DLG1: variants seen among roughly 807,000 people sequenced by gnomAD.
DLG1 encodes discs large MAGUK scaffold protein 1.
A neutral mutation model predicts 123.4 loss-of-function variants in DLG1; 42 were observed. That is an observed-to-expected ratio of 0.34 (90% CI 0.27 to 0.44). The LOEUF (loss-of-function observed/expected upper bound fraction) is 0.44, where lower values mean the gene tolerates loss of function less well. Ranked by LOEUF, DLG1 falls within the 20% of genes least tolerant of loss-of-function variation. The probability of loss-of-function intolerance (pLI) is 1.00; values close to 1 mark genes in which losing one functional copy is unlikely to be tolerated. For missense variants in DLG1, 942 were observed against 1,082.6 expected, an observed-to-expected ratio of 0.87 and a Z score of 1.82; for synonymous variants, 317 against 356.2, an observed-to-expected ratio of 0.89 and a Z score of 1.24.
intron 10 of DLG1, 107 bp from the exon 11 acceptor site, chr3:197,130,778 T>C: frequency 4.6e-6 from 4 of 874,688 alleles, no homozygotes; most frequent in East Asian, 2.6e-5. Context: ...TTAAGGAAAA[T>C]AAAGGTATGC....
chr3:197,077,515 A>G (rs1748081631), intron 17 of DLG1, among the ~76,000 whole-genome samples: 1 of 152,230 alleles, frequency 6.6e-6, no homozygotes, highest in Non-Finnish European at 1.5e-5. Flanking sequence ...AAAAGTACAC[A>G]TAAATAATGT....
chr3:197,213,751 A>G (rs1732521979), intron 4 of DLG1, among the ~76,000 whole-genome samples: 1 of 152,220 alleles, frequency 6.6e-6, no homozygotes, highest in African/African-American at 2.4e-5. Flanking sequence ...TTCTTGGATA[A>G]AGGCTCATTA....
chr3:197,128,326 A>G (rs933405926), intron 11 of DLG1, among the ~76,000 whole-genome samples: 3 of 152,342 alleles, frequency 2.0e-5, no homozygotes, highest in East Asian at 1.9e-4. Context: ...TTGATTATCT[A>G]TAAGAAGCAA....
chr3:197,079,957 C>T (rs1749800733), intron 17 of DLG1, among the ~76,000 whole-genome samples: 1 of 151,874 alleles, frequency 6.6e-6, no homozygotes, highest in Non-Finnish European at 1.5e-5. Context: ...ATTCCACATT[C>T]ATTTCAAATA....
chr3:197,046,848 T>C (rs1318014924), intron 24 of DLG1, among the ~76,000 whole-genome samples: 1 of 151,844 alleles, frequency 6.6e-6, no homozygotes, highest in Non-Finnish European at 1.5e-5. Context: ...CCAGCCTGGG[T>C]GACAGAGTGA....
At chr3:197,297,068 A>AAG (rs1777784184) in intron 2 of DLG1, 118 bp downstream of exon 2, 2 of 1,082,678 alleles carry the variant, frequency 1.8e-6, no homozygotes, top group East Asian at 4.8e-5. Flanking sequence ...CTAAGCAATA[A>AAG]AGCTAGGACC....
intron 4 of DLG1, among the ~76,000 whole-genome samples, chr3:197,219,857 A>T (rs987686516): frequency 6.6e-6 from 1 of 152,156 alleles, no homozygotes; most frequent in African/African-American, 2.4e-5. Flanking sequence ...GCCTTGGGAA[A>T]TCTCGCCGGC....
chr3:197,198,419 G>A (rs1723758822), intron 4 of DLG1, among the ~76,000 whole-genome samples: 1 of 150,754 alleles, frequency 6.6e-6, no homozygotes, highest in African/African-American at 2.4e-5. Context: ...GCCGGGAAGT[G>A]GAGGTTGCAG....
Position 197,134,472 on chromosome 3 carries a change from CAAAAAAA to C in DLG1, c.1020+2063_1020+2069del, listed in dbSNP as rs11319273. 3.1e-5 allele frequency among the ~76,000 whole-genome samples: 3 copies of C among 96,578 alleles called. No individual in the cohort carries two copies. The South Asian group carries it at 1.1e-3, about 35-fold the overall frequency. 63.4% of individuals were successfully genotyped at this position (96,578 alleles called of 152,430 possible). A position where few individuals can be genotyped will look rare whatever the true frequency, so the allele number is the denominator to read the frequency against. ...TTCCCAGGAAAATTATTCATAATAC[CAAAAAAA>C]AAAAAAAAAAAAAAAGACTTAAAAT... is the stretch of plus-strand genomic sequence containing the variant. On this transcript the variant is annotated intron_variant, in intron 10 of 24. Coordinates refer to ENST00000667157, the MANE Select transcript of DLG1 (RefSeq NM_001366207.1).
chr3:197,184,176 AAAG>A (rs1383490856), intron 5 of DLG1: 3 of 976,174 alleles, frequency 3.1e-6, no homozygotes, highest in Non-Finnish European at 3.7e-6. Context: ...ATTAGCAGGT[AAAG>A]AAGGATGCTA....
chr3:197,296,014 G>C (rs1777201373), intron 3 of DLG1, among the ~76,000 whole-genome samples: 2 of 152,334 alleles, frequency 1.3e-5, no homozygotes, highest in South Asian at 4.1e-4. Context: ...TGACTTCAGA[G>C]ACATGCCAGT....
chr3:197,113,691 G>A (rs572314268), intron 13 of DLG1, among the ~76,000 whole-genome samples: 1 of 149,322 alleles, frequency 6.7e-6, no homozygotes, highest in South Asian at 2.1e-4. Context: ...GAACCAAGCC[G>A]ACAATTTCTG....
rs142447559 is a variant in DLG1, at chr3:197,110,586, C to A, written c.1443+5341G>T. ...TTCCGCTTGTCTCAAAATTTTATGA[C>A]GAAAAATAGGCATTTAAAATAAATA... On this transcript the variant is annotated intron_variant, in intron 13 of 24. Coordinates refer to ENST00000667157, the MANE Select transcript of DLG1 (RefSeq NM_001366207.1). 2.4e-4 allele frequency among the ~76,000 whole-genome samples: 36 copies of A among 152,110 alleles called. No homozygotes were observed. In the East Asian group the frequency reaches 6.6e-3, roughly 28 times the overall value.
At chr3:197,288,743 A>AAAAACATACATACATAC (rs1553827364) in intron 3 of DLG1, among the ~76,000 whole-genome samples, 26 of 72,080 alleles carry the variant, frequency 3.6e-4, no homozygotes, top group South Asian at 5.1e-4. Context: ...AAAAAAAAAA[A>AAAAACATACATACATAC]ATACATACAT....
intron 24 of DLG1, among the ~76,000 whole-genome samples, chr3:197,046,041 G>A (rs767885458): frequency 2.6e-5 from 4 of 152,206 alleles, no homozygotes; most frequent in Non-Finnish European, 5.9e-5. Context: ...ATATTCGCTA[G>A]TATCAGTTTT....
intron 5 of DLG1, among the ~76,000 whole-genome samples, chr3:197,160,246 A>G (rs1005125354): frequency 6.6e-6 from 1 of 152,174 alleles, no homozygotes; most frequent in Non-Finnish European, 1.5e-5. Flanking sequence ...CTGAATAGGA[A>G]AAGACAGGCT....
chr3:197,260,203 G>T, intron 4 of DLG1: 1 of 392,944 alleles, frequency 2.5e-6, no homozygotes, highest in Non-Finnish European at 5.0e-6. Context: ...ACTGAACAAA[G>T]GGTCTCTCAC....
chr3:197,271,984 C>T (rs917546482), intron 4 of DLG1, among the ~76,000 whole-genome samples: 3 of 152,064 alleles, frequency 2.0e-5, no homozygotes, highest in Non-Finnish European at 4.4e-5. Flanking sequence ...CTACCAGCGA[C>T]TTTAGTTTAT....
chr3:197,168,539 T>C (rs1802517775), intron 5 of DLG1, among the ~76,000 whole-genome samples: 1 of 152,218 alleles, frequency 6.6e-6, no homozygotes, highest in African/African-American at 2.4e-5. Flanking sequence ...CGGGGAGCTG[T>C]ATAAGATTCT....
Sources: gnomAD v4.1 joint callset for allele counts (sites outside exome capture counted in the v4.1 genomes callset) on GRCh38, gnomAD v4.1.1 for gene constraint, MANE v1.5 for transcripts, NCBI Gene and HGNC (gene_info 2026-07-23, HGNC 2026-07-21) for gene names.